The following SH3D21 variants were observed in gnomAD, a reference collection of about 807,000 sequenced individuals.
SH3D21 encodes SH3 domain-containing protein 21.
In SH3D21, 83 loss-of-function variants were observed where a neutral mutation model predicts 82.1. The observed-to-expected ratio is 1.01, with a 90% CI of 0.85 to 1.21. SH3D21 has a LOEUF of 1.21. SH3D21 is among the 50% of genes most tolerant of loss of function. The probability of loss-of-function intolerance (pLI) is 0.00; values close to 1 mark genes in which losing one functional copy is unlikely to be tolerated. For missense variants in SH3D21, 980 were observed against 962.1 expected (o/e 1.02, Z -0.25); for synonymous variants, 383 against 387.8 (o/e 0.99, Z 0.15).
downstream of SH3D21, chr1:36,322,491 G>A (rs1355874765): frequency 1.2e-6 from 2 of 1,603,592 alleles, no homozygotes; most frequent in African/African-American, 1.3e-5. Flanking sequence ...CGGCTCTGCG[G>A]ACAGCTCGGG....
Position 36,306,624 on chromosome 1 carries a change from G to T in SH3D21, c.31G>T (p.Ala11Ser). ...AGTCCTCGTCCTGGCCGGATACCGC[G>T]CGCAGAAGGAGGACGAGCTGAGTCT... Reference protein sequence around the residue: MEVLVLAGYRAQKEDELSLAP... With the variant: MEVLVLAGYRSQKEDELSLAP... The change falls in exon 2 of 16, where the codon GCG becomes TCG. Residue 11 changes from alanine (A) to serine (S), a missense_variant. Ala to Ser is a moderately conservative substitution (Grantham distance 99, BLOSUM62 1). Coordinates refer to ENST00000453908, the MANE Select transcript of SH3D21 (RefSeq NM_001162530.2). This position sits in a 1 kb window ranked among gnomAD's most constrained non-coding sequence, Gnocchi z 4.5. 2 of 1,302,610 alleles carry T rather than the reference G, an allele frequency of 1.5e-6. No homozygotes were observed. Among genetic ancestry groups the T allele is most frequent in the Non-Finnish European group, 2.0e-6 (2 of 988,718 alleles). 80.7% of individuals were successfully genotyped at this position (1,302,610 alleles called of 1,614,324 possible).
At chr1:36,323,990 C>A (rs989367528), downstream of SH3D21, 2 of 152,244 alleles carry the variant, frequency 1.3e-5, no homozygotes. Flanking sequence ...CCAAAACCGT[C>A]AGGATTTGAA....
At chr1:36,319,376 G>A (rs138022699) in intron 12 of SH3D21, 64 bp downstream of exon 12, 2 of 1,550,846 alleles carry the variant, frequency 1.3e-6, no homozygotes, top group African/African-American at 2.7e-5. Context: ...GCTGTGCGGA[G>A]GGACAGAGGT....
Position 36,320,974 on chromosome 1 carries a change from T to G in SH3D21, c.2195T>G (p.Leu732Arg), listed in dbSNP as rs1646449143. 6.4e-7 allele frequency: 1 copy of G among 1,572,452 alleles called. No individual in the cohort carries two copies. The highest frequency in any genetic ancestry group is 8.6e-7 in the Non-Finnish European group (1 of 1,159,258). The change falls in exon 15 of 16, where the codon CTG becomes CGG. Residue 732 changes from leucine to arginine, a missense_variant. Coordinates refer to ENST00000453908, the MANE Select transcript of SH3D21 (RefSeq NM_001162530.2). ...AGCGAGAAGGAGCAGCGCCGGCGGC[T>G]GGAGGTGAGGCGCGGGTCCCGGCGG... Reference protein sequence around the residue: ...LKSEKEQRRRLEVQVMQGTQK... With the variant: ...LKSEKEQRRRREVQVMQGTQK...
chr1:36,322,867 A>AGGGCGGGGAGCG, downstream of SH3D21: 1 of 1,513,034 alleles, frequency 6.6e-7, no homozygotes, highest in Non-Finnish European at 9.1e-7. Context: ...AGCGGGCAAG[A>AGGGCGGGGAGCG]GGGCGGGGAG....
downstream of SH3D21, chr1:36,323,191 C>T: frequency 1.3e-6 from 1 of 794,916 alleles, no homozygotes; most frequent in Non-Finnish European, 1.9e-6. Flanking sequence ...GCTTCCCTAA[C>T]TTCGTGGCGG....
At chr1:36,312,297 A>T (rs1464289589) in intron 10 of SH3D21, among the ~76,000 whole-genome samples, 2 of 152,228 alleles carry the variant, frequency 1.3e-5, no homozygotes, top group Non-Finnish European at 2.9e-5. Context: ...TGCTGGGATT[A>T]CAGGCGTGAG....
At position 36,307,977 on chromosome 1, in the gene SH3D21, C is replaced by T; in HGVS notation, c.538+14C>T. On this transcript the variant is annotated intron_variant, in intron 7 of 15. Transcript: ENST00000453908. This position sits in a 1 kb window ranked among gnomAD's most constrained non-coding sequence, Gnocchi z 5.4. ...ACCTGCAGACAGGTGAGCACCCATC[C>T]AAAGGGTCCCCCACTCCCTCAGCCA... 6.4e-7 allele frequency: 1 copy of T among 1,551,638 alleles called. No individual in the cohort carries two copies. The highest frequency in any genetic ancestry group is 8.7e-7 in the Non-Finnish European group (1 of 1,147,006).
chr1:36,322,200 C>G (rs959205787), downstream of SH3D21: 5 of 1,382,742 alleles, frequency 3.6e-6, no homozygotes, highest in Non-Finnish European at 1.9e-6. Context: ...CACCTGGGAG[C>G]TGTGGGGGCC....
intron 10 of SH3D21, among the ~76,000 whole-genome samples, chr1:36,313,577 C>CT (rs777851345): frequency 6.6e-6 from 1 of 151,952 alleles, no homozygotes; most frequent in Non-Finnish European, 1.5e-5. Context: ...ATAGTATACT[C>CT]TTTTATTTTG....
Position 36,319,771 on chromosome 1 carries a change from A to G in SH3D21, c.1108A>G (p.Asn370Asp), listed in dbSNP as rs770885554. ...CCCAGAGAGGCCCCCAGCTCCAGAG[A>G]ACGCCCCCAGCTCCAAGAAGATCCC... ...ATPERPPAPENAPSSKKIPAP... is the reference protein window; with the variant it reads ...ATPERPPAPEDAPSSKKIPAP... Residue 370 changes from asparagine (N) to aspartate (D), a missense_variant, in exon 14 of 16, where the codon AAC becomes GAC. Asn to Asp is a conservative substitution (Grantham distance 23). Transcript: ENST00000453908. 2.5e-6 allele frequency: 4 copies of G among 1,611,822 alleles called. No individual in the cohort carries two copies. Among genetic ancestry groups the G allele is most frequent in the Non-Finnish European group, 3.4e-6 (4 of 1,179,070 alleles).
chr1:36,318,773 G>A (rs1646387157), intron 10 of SH3D21, among the ~76,000 whole-genome samples: 1 of 151,976 alleles, frequency 6.6e-6, no homozygotes, highest in African/African-American at 2.4e-5. Flanking sequence ...GCCGGGTGTG[G>A]TGGAGGGCAC....
Position 36,321,089 on chromosome 1 carries a change from A to C in SH3D21, c.2233A>C (p.Thr745Pro). 6.2e-7 allele frequency: 1 copy of C among 1,612,220 alleles called. No homozygotes were observed. Among genetic ancestry groups the C allele is most frequent in the Non-Finnish European group, 8.5e-7 (1 of 1,179,468 alleles). ...QVMQGTQKSQ[T>P]PRVIHTQTQT... Reference sequence around the variant, plus strand: ...GATGCAGGGGACCCAGAAGTCCCAGACCCCGCGCGTCATCCACACGCAGAC... The same window carrying C: ...GATGCAGGGGACCCAGAAGTCCCAGCCCCCGCGCGTCATCCACACGCAGAC... The change falls in exon 16 of 16, where the codon ACC (threonine) becomes CCC (proline). Residue 745 changes from threonine to proline, a missense_variant. Physicochemically the swap from Thr to Pro is conservative, Grantham distance 38 (BLOSUM62 -1). Transcript: ENST00000453908. The surrounding 1 kb of genome is among the most constrained non-coding windows in gnomAD (Gnocchi z 6.1).
chr1:36,307,010 C>T lies in SH3D21; in HGVS notation c.226+105C>T, dbSNP rs1646138588. ...ACGGGCGCGGCTCTGGGCGGGACCT[C>T]GGGGCCGCCCTGCGGTCTGTGATTG... On this transcript the variant is annotated intron_variant, in intron 3 of 15. Transcript: ENST00000453908. This position sits in a 1 kb window ranked among gnomAD's most constrained non-coding sequence, Gnocchi z 5.4. The T allele has an allele frequency of 5.7e-6, 8 of 1,413,316 alleles. No individual in the cohort carries two copies. The South Asian group carries it at 1.2e-4, about 21-fold the overall frequency. 87.5% of individuals were successfully genotyped at this position (1,413,316 alleles called of 1,614,324 possible).
downstream of SH3D21, chr1:36,327,578 G>A (rs1350738097): frequency 1.0e-6 from 1 of 957,286 alleles, no homozygotes; most frequent in Non-Finnish European, 1.4e-6. Context: ...GTATGTTTGT[G>A]TCTGGGTTGG....
intron 10 of SH3D21, among the ~76,000 whole-genome samples, chr1:36,313,849 G>A (rs1646286024): frequency 6.6e-6 from 1 of 151,814 alleles, no homozygotes; most frequent in Admixed American, 6.6e-5. Context: ...ACAGTTGTGA[G>A]GCACTTCACT....
downstream of SH3D21, chr1:36,324,088 C>G (rs1208375980): frequency 1.3e-5 from 2 of 152,288 alleles, no homozygotes; most frequent in Non-Finnish European, 2.9e-5. Flanking sequence ...GCTTCTCTTC[C>G]CCAGACCCAT....
chr1:36,311,904 A>G (rs1646247950), intron 10 of SH3D21, among the ~76,000 whole-genome samples: 1 of 151,902 alleles, frequency 6.6e-6, no homozygotes, highest in Non-Finnish European at 1.5e-5. Context: ...TGTGTTGCCC[A>G]GGCTGGTCTC....
chr1:36,319,629 G>T, intron 13 of SH3D21, 46 bp from the exon 14 acceptor site: 1 of 1,550,420 alleles, frequency 6.4e-7, no homozygotes, highest in Non-Finnish European at 8.7e-7. Context: ...AGGCCAAGGG[G>T]AACCAGACTC....
Sources: gnomAD v4.1 joint callset for allele counts (sites outside exome capture counted in the v4.1 genomes callset) on GRCh38, gnomAD v4.1.1 for gene constraint, Gnocchi (gnomAD v3.1) non-coding constraint, MANE v1.5 for transcripts, NCBI Gene and HGNC (gene_info 2026-07-23, HGNC 2026-07-21) for gene names.